SMIM1: variants seen among roughly 807,000 people sequenced by gnomAD.
SMIM1 encodes the protein small integral membrane protein 1 (Vel blood group).
SMIM1 carries 7 observed loss-of-function variants against 7.7 expected under a neutral mutation model. The observed-to-expected ratio is 0.91, with a 90% CI of 0.52 to 1.71. The LOEUF (loss-of-function observed/expected upper bound fraction) is 1.71, where lower values mean the gene tolerates loss of function less well. Among genes scored for constraint, SMIM1 ranks in the 40% most tolerant of loss-of-function variants. SMIM1 has a pLI of 0.00. For missense variants in SMIM1, 95 were observed against 102.8 expected (o/e 0.92, Z 0.33); for synonymous variants, 41 against 42.7 (o/e 0.96, Z 0.16).
rs2282455 is a variant in SMIM1 at position 3,775,676 on chromosome 1, T to G, written c.111-119T>G. On this transcript the variant is annotated intron_variant, in intron 3 of 3. Coordinates refer to ENST00000642557, the MANE Select transcript of SMIM1 (RefSeq NM_001288583.2). The surrounding 1 kb of genome is among the most constrained non-coding windows in gnomAD (Gnocchi z 5.3). ...GCTGTGGGCGGGGAGAGCTTCCTCT[T>G]GACTCCAGCAGAGCGCCCAGGCCCC... 3.5e-6 allele frequency: 5 copies of G among 1,408,814 alleles called. No individual in the cohort carries two copies. In the Admixed American group the frequency reaches 7.8e-5, roughly 22 times the overall value. 87.3% of individuals were successfully genotyped at this position (1,408,814 alleles called of 1,614,324 possible).
rs1248415461 is a variant in SMIM1 at position 3,775,844 on chromosome 1, C to T, written c.160C>T (p.Leu54=). The part of the protein sequence containing the change: ...TGKLGIAMKV[L]GGVALFWIIF... ...CAAGCTGGGCATCGCCATGAAGGTGCTGGGCGGCGTGGCCCTCTTCTGGAT... is the reference window on the plus strand; with the variant it reads ...CAAGCTGGGCATCGCCATGAAGGTGTTGGGCGGCGTGGCCCTCTTCTGGAT... The change falls in exon 4 of 4, where the codon CTG becomes TTG. Residue 54 remains leucine, a synonymous_variant. Coordinates refer to ENST00000642557, the MANE Select transcript of SMIM1 (RefSeq NM_001288583.2). This position sits in a 1 kb window ranked among gnomAD's most constrained non-coding sequence, Gnocchi z 5.3. 16 of 1,550,984 alleles carry T rather than the reference C, an allele frequency of 1.0e-5. No homozygotes were observed. The highest frequency in any genetic ancestry group is 1.4e-5 in the Non-Finnish European group (16 of 1,146,938).
chr1:3,775,423 G>A lies in SMIM1; in HGVS notation c.50G>A (p.Ser17Asn). Reference protein sequence around the residue: ...HVHYSRWEDGSRDGVSLGAVS... With the variant: ...HVHYSRWEDGNRDGVSLGAVS... Reference sequence around the variant, plus strand: ...CACTATAGTAGGTGGGAGGACGGCAGCAGGGACGGAGTCAGCCTAGGGGCT... The same window carrying A: ...CACTATAGTAGGTGGGAGGACGGCAACAGGGACGGAGTCAGCCTAGGGGCT... The change falls in exon 3 of 4, where the codon AGC (serine) becomes AAC (asparagine). Residue 17 changes from serine to asparagine, a missense_variant. Coordinates refer to ENST00000642557, the MANE Select transcript of SMIM1 (RefSeq NM_001288583.2). This position sits in a 1 kb window ranked among gnomAD's most constrained non-coding sequence, Gnocchi z 5.3. 1 of 1,550,636 alleles carries A rather than the reference G, an allele frequency of 6.4e-7. No homozygotes were observed. Among genetic ancestry groups the A allele is most frequent in the Non-Finnish European group, 8.7e-7 (1 of 1,146,832 alleles).
chr1:3,775,945 G>T lies in SMIM1; in HGVS notation c.*24G>T. Reference sequence around the variant, plus strand: ...AAATGCTGCCCCGCATGCACGCGGGGGGCTGGCCGCACACGTGAGAGCACA... The same window carrying T: ...AAATGCTGCCCCGCATGCACGCGGGTGGCTGGCCGCACACGTGAGAGCACA... On this transcript the variant is annotated 3_prime_UTR_variant, in exon 4 of 4. Transcript: ENST00000642557. This position sits in a 1 kb window ranked among gnomAD's most constrained non-coding sequence, Gnocchi z 5.3. The T allele has an allele frequency of 6.5e-7, 1 of 1,543,786 alleles. No homozygotes were observed. Among genetic ancestry groups the T allele is most frequent in the Non-Finnish European group, 8.7e-7 (1 of 1,145,692 alleles).
intron 2 of SMIM1, among the ~76,000 whole-genome samples, chr1:3,774,067 G>C (rs1267248546): frequency 6.6e-6 from 1 of 152,210 alleles, no homozygotes; most frequent in Non-Finnish European, 1.5e-5. Context: ...GAACTGCCTG[G>C]GGCCTGAGTT....
At chr1:3,772,993 C>T (rs901099767) in intron 1 of SMIM1, 70 bp from the exon 2 acceptor site, 2 of 152,298 alleles carry the variant, frequency 1.3e-5, no homozygotes, top group Non-Finnish European at 2.9e-5. Flanking sequence ...CTGGGGACCC[C>T]CGACACCAGC....
rs894848364 is a variant in SMIM1 at position 3,775,640 on chromosome 1, C to T, written c.111-155C>T. 1 of 1,319,778 alleles carries T rather than the reference C, an allele frequency of 7.6e-7. No homozygotes were observed. The highest frequency in any genetic ancestry group is 1.5e-5 in the African/African-American group (1 of 67,724). The allele number at this position is 1,319,778 out of a possible 1,614,324, so 81.8% of individuals were successfully genotyped here. A position where few individuals can be genotyped will look rare whatever the true frequency, so the allele number is the denominator to read the frequency against. On this transcript the variant is annotated intron_variant, in intron 3 of 3. Transcript: ENST00000642557. This position sits in a 1 kb window ranked among gnomAD's most constrained non-coding sequence, Gnocchi z 5.3. ...TCAGCAAACCGCAGCCTTTGGCCTT[C>T]CCTCTGGTTGGCTGTGGGCGGGGAG...
Position 3,775,768 on chromosome 1 carries a change from CTCA to C in SMIM1, c.111-26_111-24del. The C allele has an allele frequency of 6.5e-7, 1 of 1,545,936 alleles. No individual in the cohort carries two copies. Among genetic ancestry groups the C allele is most frequent in the Non-Finnish European group, 8.7e-7 (1 of 1,145,712 alleles). On this transcript the variant is annotated intron_variant, in intron 3 of 3. Transcript: ENST00000642557. The surrounding 1 kb of genome is among the most constrained non-coding windows in gnomAD (Gnocchi z 5.3). ...CCCCTCATGCGGCCCTGGCCTGGGG[CTCA>C]CCTCCAGTTGGTTCTCACCCCAGGA...
In SMIM1 at chr1:3,775,702, T is replaced by C; in HGVS notation, c.111-93T>C. 3 of 1,463,534 alleles carry C rather than the reference T, an allele frequency of 2.0e-6. No homozygotes were observed. The highest frequency in any genetic ancestry group is 2.7e-5 in the South Asian group (2 of 73,422). The allele number at this position is 1,463,534 out of a possible 1,614,324, so 90.7% of individuals were successfully genotyped here. On this transcript the variant is annotated intron_variant, in intron 3 of 3. Transcript: ENST00000642557. This position sits in a 1 kb window ranked among gnomAD's most constrained non-coding sequence, Gnocchi z 5.3. ...GACTCCAGCAGAGCGCCCAGGCCCC[T>C]CCCCCTGACCCAGACCAACGGCCAC...
At chr1:3,774,063 C>T (rs1190427391) in intron 2 of SMIM1, among the ~76,000 whole-genome samples, 1 of 152,182 alleles carries the variant, frequency 6.6e-6, no homozygotes, top group African/African-American at 2.4e-5. Context: ...CTCAGAACTG[C>T]CTGGGGCCTG....
In SMIM1 at chr1:3,773,787, T is replaced by TA. The variant is rs377184387; in HGVS notation, c.-76+607dup. ...CTTGTCTTACCCGGGTCATGGCTGT[T>TA]ACCTGGGGCTGGCACATTGCTGCTG... is the stretch of plus-strand genomic sequence containing the variant. On this transcript the variant is annotated intron_variant, in intron 2 of 3. Coordinates refer to ENST00000642557, the MANE Select transcript of SMIM1 (RefSeq NM_001288583.2). Among the ~76,000 whole-genome samples, 673 of 152,308 alleles carry TA rather than the reference T, an allele frequency of 4.4e-3. 1 individual carries two copies. Among genetic ancestry groups the TA allele is most frequent in the African/African-American group, 0.016 (645 of 41,568 alleles).
In SMIM1 at chr1:3,775,655, TG is replaced by T; in HGVS notation, c.111-137del. On this transcript the variant is annotated intron_variant, in intron 3 of 3. Transcript: ENST00000642557. This position sits in a 1 kb window ranked among gnomAD's most constrained non-coding sequence, Gnocchi z 5.3. ...CTTTGGCCTTCCCTCTGGTTGGCTG[TG>T]GGCGGGGAGAGCTTCCTCTTGACTC... The T allele has an allele frequency of 7.4e-7, 1 of 1,356,294 alleles. No homozygotes were observed. Among genetic ancestry groups the T allele is most frequent in the Non-Finnish European group, 9.8e-7 (1 of 1,020,186 alleles). 84.0% of individuals were successfully genotyped at this position (1,356,294 alleles called of 1,614,324 possible).
At chr1:3,774,437 C>T (rs564450501) in intron 2 of SMIM1, among the ~76,000 whole-genome samples, 33 of 152,260 alleles carry the variant, frequency 2.2e-4, no homozygotes, top group African/African-American at 7.2e-4. Flanking sequence ...TCAGGCCGGC[C>T]GGGCAGCTGT....
In SMIM1 at chr1:3,773,615, T is replaced by C. The variant is rs183946669; in HGVS notation, c.-76+434T>C. ...CGGGTTGCAAGGCGGCTGCTGCAGC[T>C]CCAGCAGCTCCAGCCATCACGTCGA... is the stretch of plus-strand genomic sequence containing the variant. On this transcript the variant is annotated intron_variant, in intron 2 of 3. Transcript: ENST00000642557. 4.4e-3 allele frequency among the ~76,000 whole-genome samples: 670 copies of C among 152,216 alleles called. 1 individual carries two copies. The highest frequency in any genetic ancestry group is 0.015 in the African/African-American group (642 of 41,536).
chr1:3,774,161 CG>C lies in SMIM1; in HGVS notation c.-76+981del, dbSNP rs796161176. ...ACCTGGGAGGAAGGTCAGCCTTCCC[CG>C]CTGGAGGGGGCCCAGCAAAGCCTCA... On this transcript the variant is annotated intron_variant, in intron 2 of 3. Transcript: ENST00000642557. Among the ~76,000 whole-genome samples the C allele has an allele frequency of 1.2e-4, 18 of 152,208 alleles. 1 individual carries two copies. In the South Asian group the frequency reaches 3.7e-3, roughly 32 times the overall value.
Position 3,774,470 on chromosome 1 carries a change from C to T in SMIM1, c.-75-829C>T, listed in dbSNP as rs549965393. 1.2e-4 allele frequency among the ~76,000 whole-genome samples: 18 copies of T among 152,350 alleles called. No homozygotes were observed. The South Asian group carries it at 3.5e-3, about 30-fold the overall frequency. On this transcript the variant is annotated intron_variant, in intron 2 of 3. Transcript: ENST00000642557. The stretch of plus-strand genomic sequence containing the variant: ...TGTGCTAGTGCTTGGAGTTCCTGCT[C>T]AGTCCCCGTGGTCTCCTCGCCCCTC...
rs765237894 is a variant in SMIM1 at position 3,775,942 on chromosome 1, G to C, written c.*21G>C. ...AATAAATGCTGCCCCGCATGCACGC[G>C]GGGGGCTGGCCGCACACGTGAGAGC... is the stretch of plus-strand genomic sequence containing the variant. On this transcript the variant is annotated 3_prime_UTR_variant, in exon 4 of 4. Coordinates refer to ENST00000642557, the MANE Select transcript of SMIM1 (RefSeq NM_001288583.2). The surrounding 1 kb of genome is among the most constrained non-coding windows in gnomAD (Gnocchi z 5.3). The C allele has an allele frequency of 1.3e-6, 2 of 1,544,122 alleles. No homozygotes were observed. Among genetic ancestry groups the C allele is most frequent in the Non-Finnish European group, 1.7e-6 (2 of 1,145,750 alleles).
intron 1 of SMIM1, 86 bp from the exon 2 acceptor site, chr1:3,772,965 CCCGGCTCCTTGT>C (rs1447931622): frequency 1.3e-5 from 2 of 152,352 alleles, no homozygotes; most frequent in Non-Finnish European, 2.9e-5. Context: ...CGGCTCCTTG[CCCGGCTCCTTGT>C]GGCTGCTGGG....
In SMIM1 at chr1:3,775,553, C is replaced by T; in HGVS notation, c.110+70C>T. Reference sequence around the variant, plus strand: ...CTCCCTCCAGAGACGCCTGCCCTAACCCCTGCTACCGGCCCCATCACCCTC... The same window carrying T: ...CTCCCTCCAGAGACGCCTGCCCTAATCCCTGCTACCGGCCCCATCACCCTC... On this transcript the variant is annotated intron_variant, in intron 3 of 3. Coordinates refer to ENST00000642557, the MANE Select transcript of SMIM1 (RefSeq NM_001288583.2). The surrounding 1 kb of genome is among the most constrained non-coding windows in gnomAD (Gnocchi z 5.3). 1.4e-6 allele frequency: 2 copies of T among 1,390,684 alleles called. No homozygotes were observed. The highest frequency in any genetic ancestry group is 2.0e-6 in the Non-Finnish European group (2 of 1,020,736). The allele number at this position is 1,390,684 out of a possible 1,614,324, so 86.1% of individuals were successfully genotyped here. A position where few individuals can be genotyped will look rare whatever the true frequency, so the allele number is the denominator to read the frequency against.
At chr1:3,773,011 C>T (rs967225716) in intron 1 of SMIM1, 52 bp from the exon 2 acceptor site, 10 of 152,300 alleles carry the variant, frequency 6.6e-5, no homozygotes, top group Non-Finnish European at 1.0e-4. Flanking sequence ...AGCCACTTTC[C>T]CTTCCCGGCC....
Sources: gnomAD v4.1 joint callset for allele counts (sites outside exome capture counted in the v4.1 genomes callset) on GRCh38, gnomAD v4.1.1 for gene constraint, Gnocchi (gnomAD v3.1) non-coding constraint, MANE v1.5 for transcripts, NCBI Gene and HGNC (gene_info 2026-07-23, HGNC 2026-07-21) for gene names.